Variants in MOB2 observed in about 807,000 individuals in gnomAD.
The protein encoded by MOB2 is MOB2 Mps One Binder homolog.
Under a neutral mutation model 27.4 loss-of-function variants are expected in MOB2, and 14 were observed. The observed-to-expected ratio is 0.51, with a 90% confidence interval of 0.34 to 0.80. The LOEUF is 0.80. Among genes scored for constraint, MOB2 ranks in the 30% least tolerant of loss-of-function variants. The pLI, the probability that MOB2 is intolerant of heterozygous loss-of-function variation, is 0.01. For synonymous variants in MOB2, 167 were observed against 151.8 expected (o/e 1.10, Z -0.74); for missense variants, 304 against 354.6 (o/e 0.86, Z 1.15).
chr11:1,480,566 T>G, intron 2 of MOB2, 80 bp from the exon 3 acceptor site: 1 of 1,553,672 alleles, frequency 6.4e-7, no homozygotes, highest in Middle Eastern at 1.8e-4. Context: ...CAGCAACAGG[T>G]GCAGGAGCTC....
In MOB2 at chr11:1,470,068, C is replaced by T. The variant is rs554200731; in HGVS notation, c.*104G>A. On this transcript the variant is annotated 3_prime_UTR_variant, in exon 5 of 5. Transcript: ENST00000329957. ...CAGTGCAGCCCGGGGCCCTCTCAGA[C>T]CTCACCACACGCGTGCCCAGCACAT... 2.3e-3 allele frequency: 3,571 copies of T among 1,540,138 alleles called. 13 individuals carry two copies. The highest frequency in any genetic ancestry group is 2.2e-3 in the Non-Finnish European group (2,546 of 1,146,818).
chr11:1,476,249 A>C (rs1024123708), intron 3 of MOB2, among the ~76,000 whole-genome samples: 8 of 152,146 alleles, frequency 5.3e-5, no homozygotes, highest in South Asian at 2.1e-4. Context: ...TTATTGTTTT[A>C]TTTCTTTTCC....
chr11:1,471,564 GCACACTGTCCCCA>G, intron 3 of MOB2, 145 bp from the exon 4 acceptor site: 2 of 921,722 alleles, frequency 2.2e-6, no homozygotes, highest in Non-Finnish European at 3.3e-6. Context: ...CCCTGGACAT[GCACACTGTCCCCA>G]CACACTGTCT....
At chr11:1,471,877 G>T (rs1156686267) in intron 3 of MOB2, 1 of 154,454 alleles carries the variant, frequency 6.5e-6, no homozygotes, top group South Asian at 2.0e-4. Context: ...GCCCTGCTCT[G>T]ACTGCTAGAA....
chr11:1,471,514 G>C, intron 3 of MOB2, 95 bp from the exon 4 acceptor site: 1 of 1,496,430 alleles, frequency 6.7e-7, no homozygotes, highest in Non-Finnish European at 9.0e-7. Context: ...GGCAGAGGTG[G>C]CGCCAGCAGC....
At position 1,471,456 on chromosome 11, in the gene MOB2, C is replaced by T. The variant is rs1304920572; in HGVS notation, c.366-37G>A. ...GAGACACGGTCAGGGCATGCGCCCG[C>T]TGCACACCCACCCAGCCACTGGGTC... On this transcript the variant is annotated intron_variant, in intron 3 of 4. Coordinates refer to ENST00000329957, the MANE Select transcript of MOB2 (RefSeq NM_001172223.3). 3.8e-6 allele frequency: 6 copies of T among 1,581,214 alleles called. No individual in the cohort carries two copies. The South Asian group carries it at 6.9e-5, about 18-fold the overall frequency.
At position 1,480,255 on chromosome 11, in the gene MOB2, G is replaced by A. The variant is rs1055302539; in HGVS notation, c.365+138C>T. The A allele has an allele frequency of 5.3e-6, 4 of 751,032 alleles. No individual in the cohort carries two copies. The Admixed American group carries it at 1.2e-4, about 22-fold the overall frequency. 46.5% of individuals were successfully genotyped at this position (751,032 alleles called of 1,614,324 possible). A position where few individuals can be genotyped will look rare whatever the true frequency, so the allele number is the denominator to read the frequency against. ...GCCTTTCCACAGGAAGGTGGATGTT[G>A]TGGAAGGCCTGTGCCAAGACTTCTC... On this transcript the variant is annotated intron_variant, in intron 3 of 4. Coordinates refer to ENST00000329957, the MANE Select transcript of MOB2 (RefSeq NM_001172223.3).
intron 3 of MOB2, among the ~76,000 whole-genome samples, chr11:1,479,824 T>C (rs1158412169): frequency 6.6e-6 from 1 of 152,212 alleles, no homozygotes; most frequent in East Asian, 1.9e-4. Flanking sequence ...GCCTGCAGCC[T>C]CCAAGGCTGC....
At chr11:1,485,876 A>C (rs919295326) in intron 1 of MOB2, among the ~76,000 whole-genome samples, 2 of 152,244 alleles carry the variant, frequency 1.3e-5, no homozygotes, top group Admixed American at 6.5e-5. Context: ...AAAAATGTCA[A>C]AAATGGATTT....
chr11:1,477,625 C>T (rs1590764402), intron 3 of MOB2, among the ~76,000 whole-genome samples: 1 of 152,182 alleles, frequency 6.6e-6, no homozygotes, highest in Admixed American at 6.5e-5. Context: ...GGGACCCTCA[C>T]CAGACACTGA....
At chr11:1,477,418 C>T (rs943195079) in intron 3 of MOB2, among the ~76,000 whole-genome samples, 1 of 152,202 alleles carries the variant, frequency 6.6e-6, no homozygotes, top group East Asian at 1.9e-4. Context: ...ACCACAGCAC[C>T]TAGAGTGGTG....
chr11:1,485,308 A>C (rs1293372444), intron 1 of MOB2, among the ~76,000 whole-genome samples: 1 of 152,148 alleles, frequency 6.6e-6, no homozygotes, highest in Non-Finnish European at 1.5e-5. Flanking sequence ...GCACACACAC[A>C]CACACGCCAG....
intron 3 of MOB2, among the ~76,000 whole-genome samples, chr11:1,476,686 C>T (rs550299656): frequency 4.1e-4 from 62 of 152,314 alleles, no homozygotes; most frequent in Middle Eastern, 3.4e-3. Flanking sequence ...AAGTTGGAAA[C>T]GTAGATTACT....
intron 3 of MOB2, among the ~76,000 whole-genome samples, chr11:1,475,109 G>A (rs941785653): frequency 2.0e-5 from 3 of 152,168 alleles, no homozygotes; most frequent in Non-Finnish European, 2.9e-5. Flanking sequence ...ACAGCATTTC[G>A]TAGTTTCCAG....
At chr11:1,475,243 C>T (rs766139929) in intron 3 of MOB2, among the ~76,000 whole-genome samples, 2 of 152,132 alleles carry the variant, frequency 1.3e-5, no homozygotes, top group Non-Finnish European at 2.9e-5. Context: ...AATATACAGA[C>T]CTATGACTGA....
At chr11:1,471,894 C>T (rs537016144) in intron 3 of MOB2, 97 of 153,488 alleles carry the variant, frequency 6.3e-4, no homozygotes, top group Non-Finnish European at 9.7e-4. Context: ...AGAAGCCAAG[C>T]CCCTCTCCGG....
chr11:1,478,450 C>G (rs1297660839), intron 3 of MOB2, among the ~76,000 whole-genome samples: 1 of 152,208 alleles, frequency 6.6e-6, no homozygotes, highest in Non-Finnish European at 1.5e-5. Flanking sequence ...TCTGGGATGA[C>G]CTTTCTTTTC....
chr11:1,486,592 G>A lies in MOB2; in HGVS notation c.-36C>T, dbSNP rs1279573677. 1.5e-5 allele frequency: 22 copies of A among 1,449,280 alleles called. 1 individual carries two copies. The highest frequency in any genetic ancestry group is 1.0e-5 in the Non-Finnish European group (11 of 1,069,330). The allele number at this position is 1,449,280 out of a possible 1,614,324, so 89.8% of individuals were successfully genotyped here. On this transcript the variant is annotated 5_prime_UTR_variant, in exon 1 of 5. Coordinates refer to ENST00000329957, the MANE Select transcript of MOB2 (RefSeq NM_001172223.3). ...CGGGAAGGTGGGGAGGAGAAGCGGG[G>A]CGGGGTGCCGGCTGGCCAGCACTCG...
chr11:1,476,495 C>T (rs950465407), intron 3 of MOB2, among the ~76,000 whole-genome samples: 1 of 152,188 alleles, frequency 6.6e-6, no homozygotes, highest in African/African-American at 2.4e-5. Context: ...TTTTATTGAT[C>T]ATTGCATCTT....
Sources: gnomAD v4.1 joint callset for allele counts (sites outside exome capture counted in the v4.1 genomes callset) on GRCh38, gnomAD v4.1.1 for gene constraint, MANE v1.5 for transcripts, NCBI Gene and HGNC (gene_info 2026-07-23, HGNC 2026-07-21) for gene names.